NXN: variants seen among roughly 807,000 people sequenced by gnomAD.
The protein encoded by NXN is nucleoredoxin.
Under a neutral mutation model 48.6 loss-of-function variants are expected in NXN, and 16 were observed. The observed-to-expected ratio is 0.33, with a 90% CI of 0.22 to 0.50. The LOEUF is 0.50. NXN is among the 20% of genes least tolerant of loss of function. NXN has a pLI of 0.98. For synonymous variants in NXN, 281 were observed against 269.6 expected, an observed-to-expected ratio of 1.04 and a Z score of -0.41; for missense variants, 492 against 605.5, an observed-to-expected ratio of 0.81 and a Z score of 1.97.
intron 1 of NXN, chr17:905,362 G>C (rs1252966124): frequency 6.6e-6 from 1 of 151,898 alleles, no homozygotes; most frequent in Non-Finnish European, 1.5e-5. Flanking sequence ...AGGCTGCAGT[G>C]AGCTAAGAAT....
intron 5 of NXN, among the ~76,000 whole-genome samples, chr17:814,132 G>C (rs1302023366): frequency 2.6e-5 from 4 of 151,996 alleles, no homozygotes; most frequent in South Asian, 4.1e-4. Flanking sequence ...TGTGGTGGTG[G>C]GTGCCTATAA....
intron 1 of NXN, among the ~76,000 whole-genome samples, chr17:912,709 T>C (rs867641709): frequency 2.0e-5 from 3 of 152,046 alleles, no homozygotes; most frequent in Non-Finnish European, 4.4e-5. Context: ...AAGATTACAT[T>C]TGGGAGGCCG....
intron 1 of NXN, among the ~76,000 whole-genome samples, chr17:840,143 C>A (rs1227215000): frequency 2.0e-5 from 3 of 151,854 alleles, no homozygotes; most frequent in Admixed American, 6.6e-5. Context: ...TTCTACTGGA[C>A]CATAAATGGA....
intron 1 of NXN, chr17:959,133 G>C (rs1209094782): frequency 4.4e-6 from 2 of 457,352 alleles, no homozygotes; most frequent in Non-Finnish European, 7.2e-6. Flanking sequence ...CTGGGGCCCA[G>C]CAACAAGAGC....
chr17:872,042 A>T (rs1305109019), intron 1 of NXN, among the ~76,000 whole-genome samples: 2 of 152,200 alleles, frequency 1.3e-5, no homozygotes, highest in Non-Finnish European at 2.9e-5. Context: ...GAGGACTGTG[A>T]TTCTAAAACA....
chr17:844,437 G>C (rs1453544037), intron 1 of NXN, among the ~76,000 whole-genome samples: 1 of 150,646 alleles, frequency 6.6e-6, no homozygotes, highest in Non-Finnish European at 1.5e-5. Context: ...GGTGGGAGAT[G>C]TCACCAGTTC....
At position 978,263 on chromosome 17, in the gene NXN, C is replaced by A. The variant is rs2069484889; in HGVS notation, c.360+1056G>T. 1 of 152,222 alleles carries A rather than the reference C, an allele frequency of 6.6e-6. No individual in the cohort carries two copies. The highest frequency in any genetic ancestry group is 6.5e-5 in the Admixed American group (1 of 15,288). 9.4% of individuals were successfully genotyped at this position (152,222 alleles called of 1,614,324 possible). A position where few individuals can be genotyped will look rare whatever the true frequency, so the allele number is the denominator to read the frequency against. On this transcript the variant is annotated intron_variant, in intron 1 of 7. Transcript: ENST00000336868. This position sits in a 1 kb window ranked among gnomAD's most constrained non-coding sequence, Gnocchi z 4.1. ...TCACACGTTGCATCATATACACTCA[C>A]GAAGCAACAGCGCTCCAAAACTTTT...
intron 1 of NXN, among the ~76,000 whole-genome samples, chr17:950,048 G>GA (rs981772718): frequency 1.5e-4 from 23 of 152,068 alleles, no homozygotes; most frequent in Non-Finnish European, 2.8e-4. Context: ...TTTTAAAAAG[G>GA]AAAAAAAGAT....
At chr17:904,383 G>A (rs530587412) in intron 1 of NXN, among the ~76,000 whole-genome samples, 28 of 152,198 alleles carry the variant, frequency 1.8e-4, no homozygotes, top group African/African-American at 5.8e-4. Flanking sequence ...CGCACACGTC[G>A]GAAAAAGCTT....
intron 1 of NXN, among the ~76,000 whole-genome samples, chr17:843,213 A>T (rs1392540017): frequency 2.0e-5 from 3 of 152,230 alleles, no homozygotes; most frequent in Non-Finnish European, 2.9e-5. Flanking sequence ...GTATTTAATG[A>T]CGCCCGTTGG....
chr17:973,925 C>G (rs572286647), intron 1 of NXN, among the ~76,000 whole-genome samples: 28 of 152,056 alleles, frequency 1.8e-4, no homozygotes, highest in Non-Finnish European at 1.3e-4. Flanking sequence ...GTGACCCACC[C>G]ACCTCGGCCT....
rs528246695 is a variant in NXN at position 965,977 on chromosome 17, G to T, written c.360+13342C>A. On this transcript the variant is annotated intron_variant, in intron 1 of 7. Transcript: ENST00000336868. ...TAAAAATACAAACAATTAGCTGGGT[G>T]TGGTGGCGGGCACCTGTAGTCCCAG... Among the ~76,000 whole-genome samples, 3 of 152,078 alleles carry T rather than the reference G, an allele frequency of 2.0e-5. No individual in the cohort carries two copies. In the East Asian group the frequency reaches 5.8e-4, roughly 30 times the overall value.
intron 1 of NXN, among the ~76,000 whole-genome samples, chr17:862,799 G>T (rs563580909): frequency 6.6e-6 from 1 of 152,300 alleles, no homozygotes; most frequent in African/African-American, 2.4e-5. Flanking sequence ...CGGCATTCCT[G>T]CCAGAAATGT....
At chr17:899,966 C>T (rs1208242443) in intron 1 of NXN, among the ~76,000 whole-genome samples, 1 of 152,064 alleles carries the variant, frequency 6.6e-6, no homozygotes, top group African/African-American at 2.4e-5. Flanking sequence ...TAGAGTTTAA[C>T]ACTAAAACTT....
At chr17:936,556 A>T (rs2068909947) in intron 1 of NXN, among the ~76,000 whole-genome samples, 2 of 151,304 alleles carry the variant, frequency 1.3e-5, no homozygotes, top group African/African-American at 2.4e-5. Context: ...GCTGCGGAAA[A>T]ACTGGACTTG....
chr17:843,040 G>GAAAGAAAGAAAGA (rs1914455038), intron 1 of NXN, among the ~76,000 whole-genome samples: 1 of 140,080 alleles, frequency 7.1e-6, no homozygotes, highest in Non-Finnish European at 1.5e-5. Flanking sequence ...AAGAAAGAAA[G>GAAAGAAAGAAAGA]AAAGAAAGAA....
At chr17:804,937 GGA>G in intron 6 of NXN, 129 bp downstream of exon 6, 10 of 972,952 alleles carry the variant, frequency 1.0e-5, no homozygotes, top group Non-Finnish European at 1.4e-5. Flanking sequence ...AAGGCTTCAG[GGA>G]GAGACAAAGG....
chr17:899,969 T>A (rs2068521970), intron 1 of NXN, among the ~76,000 whole-genome samples: 1 of 152,090 alleles, frequency 6.6e-6, no homozygotes, highest in Non-Finnish European at 1.5e-5. Flanking sequence ...AGTTTAACAC[T>A]AAAACTTTTC....
At chr17:944,241 G>GA (rs936442640) in intron 1 of NXN, among the ~76,000 whole-genome samples, 2 of 151,864 alleles carry the variant, frequency 1.3e-5, no homozygotes, top group African/African-American at 4.8e-5. Context: ...CTCCATCTCA[G>GA]AAAAAAATAA....
Sources: gnomAD v4.1 joint callset for allele counts (sites outside exome capture counted in the v4.1 genomes callset) on GRCh38, gnomAD v4.1.1 for gene constraint, Gnocchi (gnomAD v3.1) non-coding constraint, MANE v1.5 for transcripts, NCBI Gene and HGNC (gene_info 2026-07-23, HGNC 2026-07-21) for gene names.